Variants in ARHGAP26 observed in about 807,000 individuals in gnomAD.
The protein encoded by ARHGAP26 is rho GTPase-activating protein 26.
A neutral mutation model predicts 104.8 loss-of-function variants in ARHGAP26; 38 were observed. The ratio of observed to expected loss-of-function variants is 0.36; its 90% CI spans 0.28 to 0.48. The LOEUF is 0.48. Ranked by LOEUF, ARHGAP26 falls within the 20% of genes least tolerant of loss-of-function variation. The probability of loss-of-function intolerance (pLI) is 0.99; values close to 1 mark genes in which losing one functional copy is unlikely to be tolerated. For synonymous variants in ARHGAP26, 341 were observed against 340.0 expected (o/e 1.00, Z -0.03); for missense variants, 704 against 947.9 (o/e 0.74, Z 3.38).
intron 21 of ARHGAP26, among the ~76,000 whole-genome samples, chr5:143,212,454 C>A (rs1809621601): frequency 6.6e-6 from 1 of 152,006 alleles, no homozygotes; most frequent in African/African-American, 2.4e-5. Context: ...GTTTCTTTGG[C>A]TCACAGGCAG....
chr5:142,931,916 T>C, intron 10 of ARHGAP26, 131 bp from the exon 11 acceptor site: 3 of 800,472 alleles, frequency 3.7e-6, no homozygotes, highest in Non-Finnish European at 4.2e-6. Context: ...TAAAGCCGAG[T>C]GTTTTGCCCC....
rs932852322 is a variant in ARHGAP26, at chr5:143,198,972, C to G, written c.1989-8226C>G. 2.0e-5 allele frequency among the ~76,000 whole-genome samples: 3 copies of G among 152,078 alleles called. No homozygotes were observed. The East Asian group carries it at 5.8e-4, about 29-fold the overall frequency. On this transcript the variant is annotated intron_variant, in intron 20 of 22. Transcript: ENST00000645722. Reference sequence around the variant, plus strand: ...ATTTTTTAAAGCTAGAAAACAGAACCGCTGCATTGTAAACTAGTCAAGCTA... The same window carrying G: ...ATTTTTTAAAGCTAGAAAACAGAACGGCTGCATTGTAAACTAGTCAAGCTA...
At chr5:142,880,822 T>C (rs988206758) in intron 4 of ARHGAP26, among the ~76,000 whole-genome samples, 3 of 152,122 alleles carry the variant, frequency 2.0e-5, no homozygotes, top group Admixed American at 6.5e-5. Context: ...TAGATATGAT[T>C]AGGGCCTGCA....
intron 11 of ARHGAP26, among the ~76,000 whole-genome samples, chr5:143,002,693 T>G (rs368775422): frequency 3.9e-5 from 6 of 152,214 alleles, no homozygotes; most frequent in African/African-American, 1.4e-4. Flanking sequence ...TTTAAAAATT[T>G]CCTGAAACAC....
chr5:142,839,475 C>T (rs1162640597), intron 1 of ARHGAP26, among the ~76,000 whole-genome samples: 2 of 152,010 alleles, frequency 1.3e-5, no homozygotes, highest in Non-Finnish European at 2.9e-5. Context: ...ACTTGAACTT[C>T]TGTGTGTCTG....
chr5:143,152,594 A>G (rs1799981369), intron 20 of ARHGAP26, among the ~76,000 whole-genome samples: 1 of 152,224 alleles, frequency 6.6e-6, no homozygotes, highest in African/African-American at 2.4e-5. Context: ...AATCTTTGCA[A>G]CCCCTCCCAT....
chr5:142,974,214 T>G (rs1355620118), intron 11 of ARHGAP26, among the ~76,000 whole-genome samples: 6 of 152,108 alleles, frequency 3.9e-5, no homozygotes, highest in Non-Finnish European at 8.8e-5. Flanking sequence ...AGTTTTTTTT[T>G]TTTTAAATAT....
intron 17 of ARHGAP26, among the ~76,000 whole-genome samples, chr5:143,082,175 C>G (rs1300195790): frequency 6.6e-6 from 1 of 152,110 alleles, no homozygotes; most frequent in Non-Finnish European, 1.5e-5. Context: ...GTTGCTGGCT[C>G]TTAGCATAGT....
intron 11 of ARHGAP26, among the ~76,000 whole-genome samples, chr5:142,933,370 G>C (rs1186830671): frequency 1.3e-5 from 2 of 152,128 alleles, no homozygotes; most frequent in Non-Finnish European, 2.9e-5. Flanking sequence ...CCATTTTATA[G>C]ATAAGTAAAC....
intron 20 of ARHGAP26, among the ~76,000 whole-genome samples, chr5:143,148,601 C>T (rs1799432436): frequency 1.3e-5 from 2 of 152,226 alleles, no homozygotes; most frequent in South Asian, 2.1e-4. Flanking sequence ...ATCACATGTT[C>T]CTTCACCAAG....
chr5:143,153,471 T>C (rs1166717826), intron 20 of ARHGAP26, among the ~76,000 whole-genome samples: 1 of 152,218 alleles, frequency 6.6e-6, no homozygotes, highest in Non-Finnish European at 1.5e-5. Context: ...TGGGGCATCA[T>C]GCCAACTCCT....
intron 1 of ARHGAP26, among the ~76,000 whole-genome samples, chr5:142,803,668 G>A (rs1195987618): frequency 6.6e-6 from 1 of 152,194 alleles, no homozygotes; most frequent in Non-Finnish European, 1.5e-5. Context: ...TCCTCCTGCA[G>A]CACGTCAGCA....
At chr5:143,115,149 A>G (rs1405266211) in intron 17 of ARHGAP26, among the ~76,000 whole-genome samples, 2 of 152,058 alleles carry the variant, frequency 1.3e-5, no homozygotes, top group Non-Finnish European at 2.9e-5. Flanking sequence ...CCTGGCCAAT[A>G]TGATGAAACC....
chr5:142,801,602 T>A (rs1282971309), intron 1 of ARHGAP26, among the ~76,000 whole-genome samples: 1 of 151,862 alleles, frequency 6.6e-6, no homozygotes, highest in Non-Finnish European at 1.5e-5. Flanking sequence ...GGTGTAAGAT[T>A]TAGTAGAGGG....
At position 143,226,789 on chromosome 5, in the gene ARHGAP26, G is replaced by T. The variant is rs1252439697; in HGVS notation, c.*4343G>T. The T allele has an allele frequency of 4.6e-6, 1 of 219,530 alleles. No individual in the cohort carries two copies. Among genetic ancestry groups the T allele is most frequent in the East Asian group, 6.6e-5 (1 of 15,196 alleles). 13.6% of individuals were successfully genotyped at this position (219,530 alleles called of 1,614,324 possible). A position where few individuals can be genotyped will look rare whatever the true frequency, so the allele number is the denominator to read the frequency against. ...CCTCTCACCGAGTGCTTTTCGGTGA[G>T]AGGCAAAGAGAAAGAATGAACAATC... On this transcript the variant is annotated 3_prime_UTR_variant, in exon 23 of 23. Transcript: ENST00000645722.
rs564881785 is a variant in ARHGAP26, at chr5:143,003,559, T to C, written c.1108-10521T>C. The stretch of plus-strand genomic sequence containing the variant: ...ATGTAAAATTAACCTTGATTGGAGA[T>C]TGGAAATGATAAGAATGAAAAATTT... On this transcript the variant is annotated intron_variant, in intron 11 of 22. Transcript: ENST00000645722. 3.9e-5 allele frequency among the ~76,000 whole-genome samples: 6 copies of C among 152,266 alleles called. No homozygotes were observed. In the East Asian group the frequency reaches 1.2e-3, roughly 29 times the overall value.
chr5:143,121,277 G>C (rs1329552508), intron 18 of ARHGAP26, 130 bp downstream of exon 18: 4 of 949,224 alleles, frequency 4.2e-6, no homozygotes, highest in Admixed American at 2.9e-5. Context: ...GAAGTTGCTG[G>C]TGGTGGTAGT....
intron 17 of ARHGAP26, among the ~76,000 whole-genome samples, chr5:143,063,674 C>T (rs1366883966): frequency 6.6e-6 from 1 of 152,212 alleles, no homozygotes; most frequent in Non-Finnish European, 1.5e-5. Context: ...CCTGCTCCAT[C>T]CTTTTACCTT....
intron 11 of ARHGAP26, among the ~76,000 whole-genome samples, chr5:143,001,858 G>C (rs1196511373): frequency 6.6e-6 from 1 of 152,222 alleles, no homozygotes; most frequent in Non-Finnish European, 1.5e-5. Flanking sequence ...AGAATCTCTT[G>C]TTGCATGCAT....
Sources: allele counts gnomAD v4.1 joint callset (sites outside exome capture counted in the v4.1 genomes callset), GRCh38; gene constraint gnomAD v4.1.1; transcripts MANE v1.5; gene names NCBI Gene and HGNC (gene_info 2026-07-23, HGNC 2026-07-21).